The following NETO2 variants were observed in gnomAD, a reference collection of about 807,000 sequenced individuals.
NETO2 encodes the protein neuropilin and tolloid like 2.
A neutral mutation model predicts 62.5 loss-of-function variants in NETO2; 28 were observed. The observed-to-expected ratio is 0.45, with a 90% CI of 0.33 to 0.61. The LOEUF is 0.61. Ranked by LOEUF, NETO2 falls within the 20% of genes least tolerant of loss-of-function variation. The pLI is 0.02. For missense variants in NETO2, 548 were observed against 643.2 expected (o/e 0.85, Z 1.60); for synonymous variants, 214 against 219.1 (o/e 0.98, Z 0.21).
At chr16:47,101,775 A>G (rs918000367) in intron 7 of NETO2, among the ~76,000 whole-genome samples, 1 of 152,242 alleles carries the variant, frequency 6.6e-6, no homozygotes, top group African/African-American at 2.4e-5. Flanking sequence ...GCTCAAGGAA[A>G]TAAGAGAGGA....
At chr16:47,110,783 C>CA (rs1224416588) in intron 6 of NETO2, among the ~76,000 whole-genome samples, 1 of 151,954 alleles carries the variant, frequency 6.6e-6, no homozygotes, top group East Asian at 1.9e-4. Flanking sequence ...ATTAATAAAA[C>CA]AAAAATGTCA....
intron 7 of NETO2, among the ~76,000 whole-genome samples, chr16:47,108,743 G>A (rs947717403): frequency 2.0e-5 from 3 of 152,136 alleles, no homozygotes; most frequent in Admixed American, 6.5e-5. Context: ...TAGAGATACC[G>A]GACCGGTCTA....
At chr16:47,142,696 G>A (rs1477438684) in intron 1 of NETO2, among the ~76,000 whole-genome samples, 2 of 152,288 alleles carry the variant, frequency 1.3e-5, no homozygotes, top group East Asian at 3.9e-4. Context: ...TTGAAAAGAC[G>A]ATTTATTCAG....
At chr16:47,135,334 T>C (rs1181365442) in intron 1 of NETO2, among the ~76,000 whole-genome samples, 1 of 152,172 alleles carries the variant, frequency 6.6e-6, no homozygotes, top group African/African-American at 2.4e-5. Flanking sequence ...ATCAATTATA[T>C]CTCAAATACA....
chr16:47,128,602 C>T (rs756532071), intron 3 of NETO2, 29 bp from the exon 4 acceptor site: 1 of 1,594,644 alleles, frequency 6.3e-7, no homozygotes, highest in African/African-American at 1.3e-5. Context: ...CAAATCAGGA[C>T]AACACAAACA....
rs1305240546 is a variant in NETO2, at chr16:47,080,440, T to C, written c.*2781A>G. On this transcript the variant is annotated 3_prime_UTR_variant, in exon 9 of 9. Coordinates refer to ENST00000562435, the MANE Select transcript of NETO2 (RefSeq NM_018092.5). ...AGATTGCTAAATTTCATGTCTTCTG[T>C]TATTAAATTTTATGGCTTTCATTTT... 6.6e-6 allele frequency: 1 copy of C among 152,232 alleles called. No homozygotes were observed. The highest frequency in any genetic ancestry group is 2.4e-5 in the African/African-American group (1 of 41,462). The allele number at this position is 152,232 out of a possible 1,614,324, so 9.4% of individuals were successfully genotyped here.
intron 1 of NETO2, among the ~76,000 whole-genome samples, chr16:47,135,251 T>G (rs2151493740): frequency 6.6e-6 from 1 of 152,350 alleles, no homozygotes; most frequent in Non-Finnish European, 1.5e-5. Flanking sequence ...ATTTAGCACA[T>G]GAAGCAGTTC....
intron 7 of NETO2, among the ~76,000 whole-genome samples, chr16:47,105,678 AC>A (rs1241767886): frequency 9.2e-5 from 14 of 152,192 alleles, no homozygotes; most frequent in African/African-American, 3.4e-4. Context: ...ATGTGAAGAG[AC>A]CTTTCTGCAA....
chr16:47,113,978 GT>G (rs1031846666), intron 6 of NETO2, among the ~76,000 whole-genome samples: 31 of 152,152 alleles, frequency 2.0e-4, no homozygotes, highest in Non-Finnish European at 3.4e-4. Flanking sequence ...TTACTTATAG[GT>G]TTTTTTCCAT....
At chr16:47,093,656 T>C (rs1268192079) in intron 7 of NETO2, among the ~76,000 whole-genome samples, 1 of 152,222 alleles carries the variant, frequency 6.6e-6, no homozygotes, top group East Asian at 1.9e-4. Flanking sequence ...AATTGACCAT[T>C]TGGCATCTCA....
Position 47,122,653 on chromosome 16 carries a change from A to C in NETO2, c.654+4T>G. 1.9e-6 allele frequency: 3 copies of C among 1,613,374 alleles called. No individual in the cohort carries two copies. Among genetic ancestry groups the C allele is most frequent in the South Asian group, 2.2e-5 (2 of 90,852 alleles). ...CTCTGAAGCGACTCAATACATAATA[A>C]TACCTTAGCTTTTGGAGTGGCTTTA... On this transcript the variant is annotated splice_donor_region_variant and intron_variant, in intron 6 of 8. Transcript: ENST00000562435.
intron 1 of NETO2, among the ~76,000 whole-genome samples, chr16:47,134,172 C>T (rs2151493189): frequency 6.6e-6 from 1 of 152,292 alleles, no homozygotes; most frequent in African/African-American, 2.4e-5. Flanking sequence ...TGGGTGTCTA[C>T]TACCAAAGTC....
chr16:47,116,142 GTT>G (rs150157077), intron 6 of NETO2, among the ~76,000 whole-genome samples: 9 of 131,496 alleles, frequency 6.8e-5, no homozygotes, highest in African/African-American at 1.9e-4. Context: ...AGGGTTTTCT[GTT>G]TTTTTTTTTT....
intron 6 of NETO2, among the ~76,000 whole-genome samples, chr16:47,120,634 AC>A (rs1422815505): frequency 6.6e-6 from 1 of 152,212 alleles, no homozygotes. Flanking sequence ...AATCATCCCC[AC>A]ATCCTGGCCA....
At chr16:47,131,637 T>C (rs573423362) in intron 2 of NETO2, among the ~76,000 whole-genome samples, 1 of 152,192 alleles carries the variant, frequency 6.6e-6, no homozygotes, top group South Asian at 2.1e-4. Flanking sequence ...TTAATTGAAG[T>C]GTTTCATTTG....
Position 47,083,429 on chromosome 16 carries a change from A to G in NETO2, c.1370T>C (p.Met457Thr). 6.2e-7 allele frequency: 1 copy of G among 1,614,218 alleles called. No homozygotes were observed. Among genetic ancestry groups the G allele is most frequent in the Non-Finnish European group, 8.5e-7 (1 of 1,180,034 alleles). The change falls in exon 9 of 9, where the codon ATG becomes ACG. Residue 457 changes from methionine (M) to threonine (T), a missense_variant. Met to Thr is a moderately conservative substitution (Grantham distance 81). Transcript: ENST00000562435. The stretch of plus-strand genomic sequence containing the variant: ...AAAGTCATTTCGGAAAGGAAGTTCC[A>G]TGGAACTGAGGTTGGTCCTGCTTTG... ...VKQSRTNLSS[M>T]ELPFRNDFAQ...
chr16:47,132,056 A>T (rs1249463015), intron 1 of NETO2, 31 bp from the exon 2 acceptor site: 4 of 1,523,760 alleles, frequency 2.6e-6, no homozygotes, highest in Non-Finnish European at 1.8e-6. Flanking sequence ...AAAAGTTATG[A>T]AATTGAATCT....
At chr16:47,118,778 A>T (rs1963974712) in intron 6 of NETO2, among the ~76,000 whole-genome samples, 1 of 152,248 alleles carries the variant, frequency 6.6e-6, no homozygotes, top group Admixed American at 6.5e-5. Context: ...GACAAATCTC[A>T]GACATTAAAT....
chr16:47,077,723 G>A lies in NETO2; in HGVS notation c.*5498C>T. 1 of 152,236 alleles carries A rather than the reference G, an allele frequency of 6.6e-6. No individual in the cohort carries two copies. Among genetic ancestry groups the A allele is most frequent in the East Asian group, 1.9e-4 (1 of 5,202 alleles). 9.4% of individuals were successfully genotyped at this position (152,236 alleles called of 1,614,324 possible). ...TGTGGAGTATGACAAAGGTTGGAGG[G>A]TAAGAGAACTTTTAAATAACACTTG... On this transcript the variant is annotated 3_prime_UTR_variant, in exon 9 of 9. Transcript: ENST00000562435.
Sources: gnomAD v4.1 joint callset for allele counts (sites outside exome capture counted in the v4.1 genomes callset) on GRCh38, gnomAD v4.1.1 for gene constraint, MANE v1.5 for transcripts, NCBI Gene and HGNC (gene_info 2026-07-23, HGNC 2026-07-21) for gene names.